Variants in AFDN observed in about 807,000 individuals in gnomAD.
The protein encoded by AFDN is afadin, adherens junction formation factor.
A neutral mutation model predicts 216.6 loss-of-function variants in AFDN; 68 were observed. The observed-to-expected ratio is 0.31, with a 90% CI of 0.26 to 0.38. The LOEUF (loss-of-function observed/expected upper bound fraction) is 0.38, where lower values mean the gene tolerates loss of function less well. AFDN is among the 10% of genes least tolerant of loss of function. The pLI is 1.00. For synonymous variants in AFDN, 868 were observed against 853.7 expected, an observed-to-expected ratio of 1.02 and a Z score of -0.29; for missense variants, 2,136 against 2,342.0, an observed-to-expected ratio of 0.91 and a Z score of 1.82.
intron 13 of AFDN, 97 bp downstream of exon 13, chr6:167,907,386 C>A: frequency 1.1e-6 from 1 of 926,756 alleles, no homozygotes. Context: ...GTTCAGCTGA[C>A]ATGTTTACAA....
At chr6:167,924,974 C>T (rs1792319990) in intron 22 of AFDN, 31 bp from the exon 23 acceptor site, 3 of 1,497,048 alleles carry the variant, frequency 2.0e-6, no homozygotes. Flanking sequence ...CCATTTCAGT[C>T]ATAAAATAAA....
chr6:167,863,710 C>A, intron 1 of AFDN: 2 of 494,100 alleles, frequency 4.0e-6, no homozygotes, highest in Non-Finnish European at 8.1e-6. Context: ...AAAGGACATC[C>A]CACAGTTGTG....
At chr6:167,885,864 G>A (rs534374353) in intron 6 of AFDN, among the ~76,000 whole-genome samples, 3 of 152,286 alleles carry the variant, frequency 2.0e-5, no homozygotes, top group East Asian at 3.9e-4. Flanking sequence ...CTTTGTAAAA[G>A]CAGTCATCAT....
At chr6:167,934,964 T>G (rs1312043878) in intron 23 of AFDN, among the ~76,000 whole-genome samples, 1 of 152,244 alleles carries the variant, frequency 6.6e-6, no homozygotes, top group African/African-American at 2.4e-5. Context: ...AACTTATAGG[T>G]GCGTGCTTCT....
chr6:167,889,380 G>C (rs550364002), intron 7 of AFDN, 54 bp downstream of exon 7: 2 of 1,206,648 alleles, frequency 1.7e-6, no homozygotes, highest in East Asian at 2.3e-5. Context: ...GATATACCAG[G>C]TGTTCACCTT....
chr6:167,878,150 G>T (rs919477461), intron 5 of AFDN, among the ~76,000 whole-genome samples: 2 of 151,670 alleles, frequency 1.3e-5, no homozygotes, highest in African/African-American at 4.8e-5. Context: ...TTTTTAGCGC[G>T]CAGTCTTGTG....
At position 167,914,511 on chromosome 6, in the gene AFDN, T is replaced by C. The variant is rs180801894; in HGVS notation, c.2205-133T>C. On this transcript the variant is annotated intron_variant, in intron 17 of 33. Transcript: ENST00000683244. ...TAGTTATACTGAATTCAGTGAGCTA[T>C]GTTTCAAGATTCCACATTTTTTTTT... The C allele has an allele frequency of 2.1e-5, 19 of 901,518 alleles. No individual in the cohort carries two copies. In the East Asian group the frequency reaches 5.0e-4, roughly 24 times the overall value. 55.8% of individuals were successfully genotyped at this position (901,518 alleles called of 1,614,324 possible). A position where few individuals can be genotyped will look rare whatever the true frequency, so the allele number is the denominator to read the frequency against.
chr6:167,875,299 T>C (rs1267309652), intron 4 of AFDN, 36 bp from the exon 5 acceptor site: 2 of 1,581,994 alleles, frequency 1.3e-6, no homozygotes, highest in South Asian at 1.2e-5. Context: ...AAGAAAACAG[T>C]GTTTAAAATA....
chr6:167,875,052 A>G (rs900244108), intron 4 of AFDN, among the ~76,000 whole-genome samples: 1 of 152,174 alleles, frequency 6.6e-6, no homozygotes, highest in Non-Finnish European at 1.5e-5. Flanking sequence ...GAAATGTATA[A>G]TCAATATATT....
intron 23 of AFDN, among the ~76,000 whole-genome samples, chr6:167,925,860 A>G (rs1311481677): frequency 6.6e-6 from 1 of 151,840 alleles, no homozygotes; most frequent in Non-Finnish European, 1.5e-5. Context: ...TGAAACAAAT[A>G]TGTGTTTAGC....
intron 2 of AFDN, among the ~76,000 whole-genome samples, chr6:167,867,253 T>G (rs1165820991): frequency 6.6e-6 from 1 of 152,160 alleles, no homozygotes; most frequent in Non-Finnish European, 1.5e-5. Flanking sequence ...CAAGAACGAT[T>G]TGGTAATTTT....
In AFDN at chr6:167,965,879, G is replaced by A; in HGVS notation, c.5091G>A (p.Arg1697=). ...APGLCRPPLP[R]DYEPPSPSPA... is the part of the protein sequence containing the mutation. ...GTCTGTGCCGCCCTCCGCTTCCCCG[G>A]GACTACGAGCCCCCGTCCCCGTCCC... Residue 1697 remains arginine (R), a synonymous_variant, in exon 32 of 34, where the codon CGG becomes CGA. Transcript: ENST00000683244. 1 of 1,549,000 alleles carries A rather than the reference G, an allele frequency of 6.5e-7. No individual in the cohort carries two copies. Among genetic ancestry groups the A allele is most frequent in the Non-Finnish European group, 8.7e-7 (1 of 1,146,462 alleles).
At chr6:167,914,805 T>A in intron 18 of AFDN, 67 bp downstream of exon 18, 1 of 1,115,170 alleles carries the variant, frequency 9.0e-7, no homozygotes, top group Non-Finnish European at 1.3e-6. Flanking sequence ...TTTTAATGCT[T>A]AGCGTAGGTA....
chr6:167,911,638 C>A, intron 15 of AFDN, 149 bp downstream of exon 15: 1 of 706,086 alleles, frequency 1.4e-6, no homozygotes, highest in Non-Finnish European at 2.4e-6. Flanking sequence ...AAATGTATAA[C>A]TTTAAAGAGT....
intron 1 of AFDN, among the ~76,000 whole-genome samples, chr6:167,855,658 A>G (rs1172148285): frequency 6.6e-6 from 1 of 151,960 alleles, no homozygotes; most frequent in Non-Finnish European, 1.5e-5. Flanking sequence ...AGCTTTAACA[A>G]CTGTGGTTGA....
chr6:167,951,450 C>A lies in AFDN; in HGVS notation c.4096C>A (p.Pro1366Thr). 1 of 1,614,134 alleles carries A rather than the reference C, an allele frequency of 6.2e-7. No individual in the cohort carries two copies. The highest frequency in any genetic ancestry group is 2.2e-5 in the East Asian group (1 of 44,866). The change falls in exon 30 of 34, where the codon CCA (proline) becomes ACA (threonine). Residue 1366 changes from proline (P) to threonine (T), a missense_variant. By Grantham distance (38) the Pro-to-Thr change is conservative (BLOSUM62 -1). Coordinates refer to ENST00000683244, the MANE Select transcript of AFDN (RefSeq NM_001386888.1). This position sits in a 1 kb window ranked among gnomAD's most constrained non-coding sequence, Gnocchi z 7.1. ...GGCCACCCCTGTGGCCGTCTCCCAG[C>A]CAATCCGAACAGACCTGCCTCCGCC... ...IPATPVAVSQ[P>T]IRTDLPPPPP...
At chr6:167,880,294 A>G in intron 5 of AFDN, 66 bp from the exon 6 acceptor site, 7 of 1,466,858 alleles carry the variant, frequency 4.8e-6, no homozygotes, top group East Asian at 2.3e-5. Context: ...GTGACTGTAA[A>G]TGTTAGCTAT....
Position 167,951,454 on chromosome 6 carries a change from T to G in AFDN, c.4100T>G (p.Ile1367Ser). Reference protein sequence around the residue: ...PATPVAVSQPIRTDLPPPPPP... With the variant: ...PATPVAVSQPSRTDLPPPPPP... ...ACCCCTGTGGCCGTCTCCCAGCCAA[T>G]CCGAACAGACCTGCCTCCGCCACCC... Residue 1367 changes from isoleucine to serine, a missense_variant, in exon 30 of 34, where the codon ATC (isoleucine) becomes AGC (serine). By Grantham distance (142) the Ile-to-Ser change is moderately radical. Coordinates refer to ENST00000683244, the MANE Select transcript of AFDN (RefSeq NM_001386888.1). The surrounding 1 kb of genome is among the most constrained non-coding windows in gnomAD (Gnocchi z 7.1). The G allele has an allele frequency of 6.2e-7, 1 of 1,613,970 alleles. No homozygotes were observed. The highest frequency in any genetic ancestry group is 8.5e-7 in the Non-Finnish European group (1 of 1,179,998).
intron 32 of AFDN, among the ~76,000 whole-genome samples, chr6:167,966,454 C>G (rs1190928814): frequency 6.6e-6 from 1 of 152,166 alleles, no homozygotes; most frequent in Non-Finnish European, 1.5e-5. Context: ...ATGTTCTGTG[C>G]TAATACTCTT....
Sources: gnomAD v4.1 joint callset for allele counts (sites outside exome capture counted in the v4.1 genomes callset) on GRCh38, gnomAD v4.1.1 for gene constraint, Gnocchi (gnomAD v3.1) non-coding constraint, MANE v1.5 for transcripts, NCBI Gene and HGNC (gene_info 2026-07-23, HGNC 2026-07-21) for gene names.